Variants in LOC128092252 observed in about 807,000 individuals in gnomAD.
At chr15:50,660,579 C>T in the LOC128092252 span, among the ~76,000 whole-genome samples, 1 of 152,106 alleles carries the variant, frequency 6.6e-6, no homozygotes. Context: ...CGCTTGAACC[C>T]GGAAGGCAGA....
the LOC128092252 span, among the ~76,000 whole-genome samples, chr15:50,680,546 T>C: frequency 4.0e-4 from 60 of 151,404 alleles, 1 homozygote; most frequent in South Asian, 7.5e-3. Context: ...TCTAGCCTAA[T>C]TGACAGAGAG....
At chr15:50,677,122 T>C in the LOC128092252 span, among the ~76,000 whole-genome samples, 8 of 152,128 alleles carry the variant, frequency 5.3e-5, no homozygotes, top group Non-Finnish European at 8.8e-5. Context: ...AGACTGAAAG[T>C]TCAGGATCAA....
At chr15:50,651,647 G>GA in the LOC128092252 span, among the ~76,000 whole-genome samples, 1 of 151,834 alleles carries the variant, frequency 6.6e-6, no homozygotes, top group Non-Finnish European at 1.5e-5. Context: ...AAAAATTAAA[G>GA]AAAAAATTAA....
chr15:50,656,190 C>A, the LOC128092252 span, among the ~76,000 whole-genome samples: 1 of 152,118 alleles, frequency 6.6e-6, no homozygotes, highest in Non-Finnish European at 1.5e-5. Flanking sequence ...AACTCTTTGG[C>A]ATCGTCAAAC....
At chr15:50,666,374 G>A in the LOC128092252 span, among the ~76,000 whole-genome samples, 2 of 152,214 alleles carry the variant, frequency 1.3e-5, no homozygotes, top group Admixed American at 1.3e-4. Context: ...CAGGGAGCTC[G>A]AGGCTGCAGC....
the LOC128092252 span, among the ~76,000 whole-genome samples, chr15:50,669,191 C>A: frequency 6.6e-6 from 1 of 152,182 alleles, no homozygotes; most frequent in Non-Finnish European, 1.5e-5. Flanking sequence ...CCTGTAATCA[C>A]AGCACATTGG....
chr15:50,659,616 C>T, the LOC128092252 span, among the ~76,000 whole-genome samples: 1 of 151,988 alleles, frequency 6.6e-6, no homozygotes, highest in Non-Finnish European at 1.5e-5. Flanking sequence ...ATTTCTATTG[C>T]AAAGTGGAAT....
the LOC128092252 span, among the ~76,000 whole-genome samples, chr15:50,664,626 G>A: frequency 1.3e-5 from 2 of 152,154 alleles, no homozygotes; most frequent in African/African-American, 4.8e-5. Flanking sequence ...TAGGCTCACA[G>A]AAGATTAACA....
the LOC128092252 span, among the ~76,000 whole-genome samples, chr15:50,665,745 A>G: frequency 6.6e-6 from 1 of 152,190 alleles, no homozygotes; most frequent in South Asian, 2.1e-4. Context: ...CTGTAATCCC[A>G]GCACTTTGGG....
chr15:50,649,951 T>A, the LOC128092252 span, among the ~76,000 whole-genome samples: 4 of 151,812 alleles, frequency 2.6e-5, no homozygotes, highest in African/African-American at 9.7e-5. Context: ...TCCCAGCACT[T>A]TGGGAGGCCG....
the LOC128092252 span, among the ~76,000 whole-genome samples, chr15:50,673,476 C>T: frequency 6.6e-6 from 1 of 152,054 alleles, no homozygotes; most frequent in South Asian, 2.1e-4. Context: ...TATGCCTTTG[C>T]GTCCTCATAG....
the LOC128092252 span, among the ~76,000 whole-genome samples, chr15:50,651,566 G>C: frequency 6.6e-6 from 1 of 152,162 alleles, no homozygotes; most frequent in African/African-American, 2.4e-5. Flanking sequence ...GGAGGCCGAG[G>C]CAGGTGGATT....
At chr15:50,660,615 T>G in the LOC128092252 span, among the ~76,000 whole-genome samples, 1 of 152,140 alleles carries the variant, frequency 6.6e-6, no homozygotes, top group Non-Finnish European at 1.5e-5. Flanking sequence ...TCTCCCAAAG[T>G]GCTGGAATTA....
chr15:50,657,818 A>G, the LOC128092252 span: 1 of 1,611,342 alleles, frequency 6.2e-7, no homozygotes, highest in Non-Finnish European at 8.5e-7. Context: ...CCTGGAAGGC[A>G]TCTATTGAAC....
chr15:50,660,691 T>C, the LOC128092252 span, among the ~76,000 whole-genome samples: 1 of 152,180 alleles, frequency 6.6e-6, no homozygotes, highest in Non-Finnish European at 1.5e-5. Flanking sequence ...TCACGTTTTC[T>C]TGATGGTGAT....
the LOC128092252 span, among the ~76,000 whole-genome samples, chr15:50,662,214 G>A: frequency 1.3e-5 from 2 of 152,038 alleles, no homozygotes; most frequent in East Asian, 1.9e-4. Context: ...TTAGCCGGCT[G>A]TGGTGGCACA....
the LOC128092252 span, among the ~76,000 whole-genome samples, chr15:50,656,729 C>T: frequency 3.9e-5 from 6 of 152,168 alleles, no homozygotes; most frequent in South Asian, 1.2e-3. Context: ...TATTCCTAGC[C>T]TACCACCCAG....
At chr15:50,663,133 CTTTT>C in the LOC128092252 span, 6 of 804,960 alleles carry the variant, frequency 7.5e-6, no homozygotes, top group South Asian at 9.2e-5. Context: ...ATAAACAGTT[CTTTT>C]TTTTTTTTGA....
the LOC128092252 span, among the ~76,000 whole-genome samples, chr15:50,656,494 G>A: frequency 6.9e-6 from 1 of 145,426 alleles, no homozygotes; most frequent in Non-Finnish European, 1.5e-5. Flanking sequence ...TTTGTGTGTG[G>A]TTTTCTTTTT....
Sources: gnomAD v4.1 joint callset for allele counts (sites outside exome capture counted in the v4.1 genomes callset) on GRCh38, gnomAD v4.1.1 for gene constraint, MANE v1.5 for transcripts.